Variants in WDR48 observed in about 807,000 individuals in gnomAD.
WDR48 encodes WD repeat domain 48.
Under a neutral mutation model 94.0 loss-of-function variants are expected in WDR48, and 22 were observed. That is an observed-to-expected ratio of 0.23 (90% CI 0.17 to 0.33). The LOEUF (loss-of-function observed/expected upper bound fraction) is 0.33. Among genes scored for constraint, WDR48 ranks in the 10% least tolerant of loss-of-function variants. The pLI is 1.00. For synonymous variants in WDR48, 278 were observed against 280.5 expected, an observed-to-expected ratio of 0.99 and a Z score of 0.09; for missense variants, 541 against 813.8, an observed-to-expected ratio of 0.66 and a Z score of 4.08.
intron 7 of WDR48, among the ~76,000 whole-genome samples, chr3:39,073,228 C>T (rs757863424): frequency 6.6e-6 from 1 of 152,198 alleles, no homozygotes; most frequent in Non-Finnish European, 1.5e-5. Flanking sequence ...ACATTTCTCA[C>T]TCACATATGT....
intron 1 of WDR48, among the ~76,000 whole-genome samples, chr3:39,062,169 T>C (rs903640218): frequency 6.6e-6 from 1 of 152,240 alleles, no homozygotes; most frequent in South Asian, 2.1e-4. Context: ...AGTCATGAAG[T>C]CTTTGCCCAT....
intron 1 of WDR48, among the ~76,000 whole-genome samples, chr3:39,057,671 G>A (rs2032981963): frequency 1.3e-5 from 2 of 151,994 alleles, no homozygotes; most frequent in African/African-American, 4.8e-5. Flanking sequence ...TCTTAAGGCT[G>A]GAGTGCAGTG....
At chr3:39,055,480 A>G (rs1243423274) in intron 1 of WDR48, among the ~76,000 whole-genome samples, 2 of 152,136 alleles carry the variant, frequency 1.3e-5, no homozygotes, top group African/African-American at 4.8e-5. Flanking sequence ...GCGAGACTCC[A>G]TCTCAAAAAT....
rs1057377530 is a variant in WDR48, at chr3:39,079,785, G to A, written c.1150G>A (p.Val384Met). The change falls in exon 11 of 19, where the codon GTG becomes ATG. Residue 384 changes from valine to methionine, a missense_variant. This residue lies in a region of WDR48 where 238 missense variants were observed against 285.3 expected (regional missense o/e 0.83). Coordinates refer to ENST00000302313, the MANE Select transcript of WDR48 (RefSeq NM_020839.4). ...HILTKDTNNN[V>M]AYWDVLKACK... ...ATTAACCAAAGATACCAATAATAAT[G>A]TGGCATATTGGGATGTATTGAAGGT... The A allele has an allele frequency of 1.9e-6, 3 of 1,554,632 alleles. No homozygotes were observed. The highest frequency in any genetic ancestry group is 1.7e-6 in the Non-Finnish European group (2 of 1,157,374).
intron 11 of WDR48, among the ~76,000 whole-genome samples, chr3:39,080,324 C>G (rs540602767): frequency 4.6e-5 from 7 of 152,322 alleles, no homozygotes; most frequent in African/African-American, 1.7e-4. Flanking sequence ...ATAAGGTTGG[C>G]TGTTTCTTAG....
intron 1 of WDR48, among the ~76,000 whole-genome samples, chr3:39,057,967 C>G (rs1385061161): frequency 2.6e-5 from 4 of 152,086 alleles, no homozygotes; most frequent in African/African-American, 9.7e-5. Flanking sequence ...TGTATTTGTT[C>G]TGAAATATTT....
At chr3:39,073,658 C>G (rs988603690) in intron 7 of WDR48, among the ~76,000 whole-genome samples, 1 of 152,102 alleles carries the variant, frequency 6.6e-6, no homozygotes, top group Non-Finnish European at 1.5e-5. Flanking sequence ...CTAATTCAGT[C>G]TTTTTCCACC....
chr3:39,095,752 ATCT>A lies in WDR48; in HGVS notation c.*1014_*1016del, dbSNP rs1482624376. On this transcript the variant is annotated 3_prime_UTR_variant, in exon 19 of 19. Coordinates refer to ENST00000302313, the MANE Select transcript of WDR48 (RefSeq NM_020839.4). ...AGGTTTTTGTTGTACCTGTATCCAG[ATCT>A]TCTTTTCACTGTTCTAACAATCTAA... The A allele has an allele frequency of 6.6e-6, 1 of 152,628 alleles. No individual in the cohort carries two copies. Among genetic ancestry groups the A allele is most frequent in the Non-Finnish European group, 1.5e-5 (1 of 68,042 alleles). 9.5% of individuals were successfully genotyped at this position (152,628 alleles called of 1,614,324 possible).
chr3:39,074,489 T>A (rs113917716), intron 7 of WDR48, among the ~76,000 whole-genome samples: 1 of 152,200 alleles, frequency 6.6e-6, no homozygotes, highest in African/African-American at 2.4e-5. Flanking sequence ...GATTAGTGAA[T>A]TGATCAACAA....
At chr3:39,068,900 T>C (rs766317573) in intron 6 of WDR48, 41 bp downstream of exon 6, 72 of 1,368,856 alleles carry the variant, frequency 5.3e-5, no homozygotes, top group Non-Finnish European at 7.1e-5. Context: ...AAAAAAATTA[T>C]TTTTCACATA....
chr3:39,091,797 C>A, intron 17 of WDR48, 96 bp downstream of exon 17: 1 of 1,044,592 alleles, frequency 9.6e-7, no homozygotes, highest in Non-Finnish European at 1.4e-6. Context: ...AATACCAGAT[C>A]TAAGGCTGAT....
intron 1 of WDR48, 45 bp downstream of exon 1, chr3:39,052,118 T>C (rs1409724134): frequency 6.2e-7 from 1 of 1,610,066 alleles, no homozygotes; most frequent in East Asian, 2.2e-5. Flanking sequence ...GGCCGGCAGC[T>C]CCGGGCCCAC....
In WDR48 at chr3:39,069,586, T is replaced by A. The variant is rs973265938; in HGVS notation, c.571-57T>A. The stretch of plus-strand genomic sequence containing the variant: ...CATTTGACTTATGAGAGTTGTCTGT[T>A]ATTTAAATTTGATACTGATATATTT... On this transcript the variant is annotated intron_variant, in intron 6 of 18. Coordinates refer to ENST00000302313, the MANE Select transcript of WDR48 (RefSeq NM_020839.4). 5 of 1,404,242 alleles carry A rather than the reference T, an allele frequency of 3.6e-6. No homozygotes were observed. In the African/African-American group the frequency reaches 7.4e-5, roughly 21 times the overall value. The allele number at this position is 1,404,242 out of a possible 1,614,324, so 87.0% of individuals were successfully genotyped here.
chr3:39,063,156 C>CT lies in WDR48; in HGVS notation c.156dup (p.Ile53TyrfsTer24). On this transcript the variant is annotated frameshift_variant, in exon 2 of 19. Coordinates refer to ENST00000302313, the MANE Select transcript of WDR48 (RefSeq NM_020839.4). LOFTEE classifies it high-confidence loss of function. ...AGACTTTTCACAGCCGGTCGAGACT[C>CT]TATCATAAGAATATGGAGTGTCAAT... 6.2e-7 allele frequency: 1 copy of CT among 1,614,126 alleles called. No homozygotes were observed. The highest frequency in any genetic ancestry group is 8.5e-7 in the Non-Finnish European group (1 of 1,180,000).
rs1240745394 is a variant in WDR48, at chr3:39,066,576, A to G, written c.297A>G (p.Val99=). The G allele has an allele frequency of 6.2e-7, 1 of 1,613,846 alleles. No individual in the cohort carries two copies. Among genetic ancestry groups the G allele is most frequent in the Non-Finnish European group, 8.5e-7 (1 of 1,179,904 alleles). The change falls in exon 4 of 19, where the codon GTA becomes GTG. Residue 99 remains valine (V), a synonymous_variant. Transcript: ENST00000302313. Reference sequence around the variant, plus strand: ...TATCTGCTTCTTCTGACACGACAGTAAAAGTATGGAATGCACACAAGGGAT... The same window carrying G: ...TATCTGCTTCTTCTGACACGACAGTGAAAGTATGGAATGCACACAAGGGAT... ...TLISASSDTT[V]KVWNAHKGFC...
intron 6 of WDR48, among the ~76,000 whole-genome samples, chr3:39,069,422 A>AT (rs1455367907): frequency 6.6e-6 from 1 of 152,224 alleles, no homozygotes; most frequent in Non-Finnish European, 1.5e-5. Context: ...GAGTATAACT[A>AT]TAACTGTTGT....
Position 39,094,054 on chromosome 3 carries a change from G to C in WDR48, c.1926G>C (p.Leu642Phe). The C allele has an allele frequency of 6.2e-7, 1 of 1,611,684 alleles. No individual in the cohort carries two copies. The highest frequency in any genetic ancestry group is 8.5e-7 in the Non-Finnish European group (1 of 1,179,374). ...AVLAEEKIEL[L>F]CQDQVLDPNM... ...TGGCAGAGGAGAAAATTGAACTTTT[G>C]TGCCAGGACCAGGTAAGTGGACTTG... is the stretch of plus-strand genomic sequence containing the variant. The change falls in exon 18 of 19, where the codon TTG becomes TTC. Residue 642 changes from leucine (L) to phenylalanine (F), a missense_variant. This residue lies in a region of WDR48 where 109 missense variants were observed against 195.5 expected (regional missense o/e 0.56). Coordinates refer to ENST00000302313, the MANE Select transcript of WDR48 (RefSeq NM_020839.4).
intron 2 of WDR48, among the ~76,000 whole-genome samples, chr3:39,065,238 A>G (rs1481209094): frequency 1.3e-5 from 2 of 152,232 alleles, no homozygotes; most frequent in African/African-American, 4.8e-5. Context: ...GTCCTTTCTC[A>G]GCCGTTGGGT....
At chr3:39,072,268 C>T (rs2033983115) in intron 7 of WDR48, among the ~76,000 whole-genome samples, 1 of 152,194 alleles carries the variant, frequency 6.6e-6, no homozygotes, top group African/African-American at 2.4e-5. Flanking sequence ...TGGGCAGAGC[C>T]ACCTATCTTT....
Sources: gnomAD v4.1 joint callset for allele counts (sites outside exome capture counted in the v4.1 genomes callset) on GRCh38, gnomAD v4.1.1 for gene constraint, gnomAD v4.1.1 regional missense constraint, MANE v1.5 for transcripts, NCBI Gene and HGNC (gene_info 2026-07-23, HGNC 2026-07-21) for gene names.